PTPRJ: variants seen among roughly 807,000 people sequenced by gnomAD.
PTPRJ encodes the protein protein tyrosine phosphatase receptor type J, also known as receptor-type tyrosine-protein phosphatase eta.
Under a neutral mutation model 141.3 loss-of-function variants are expected in PTPRJ, and 129 were observed. That is an observed-to-expected ratio of 0.91 (90% CI 0.79 to 1.06). The LOEUF is 1.06. PTPRJ is among the 50% of genes least tolerant of loss of function. PTPRJ has a pLI of 0.00. For synonymous variants in PTPRJ, 610 were observed against 640.5 expected (o/e 0.95, Z 0.72); for missense variants, 1,601 against 1,679.7 (o/e 0.95, Z 0.82).
At position 48,142,928 on chromosome 11, in the gene PTPRJ, C is replaced by T. The variant is rs1238083037; in HGVS notation, c.2453C>T (p.Pro818Leu). The change falls in exon 12 of 25, where the codon CCT becomes CTT. Residue 818 changes from proline to leucine, a missense_variant. By Grantham distance (98) the Pro-to-Leu change is moderately conservative. Coordinates refer to ENST00000418331, the MANE Select transcript of PTPRJ (RefSeq NM_002843.4). Reference sequence around the variant, plus strand: ...TTTTGTTTTGTTTTAGATCCCCCTCCTCCAGATGGATCCCCTAATATTACA... The same window carrying T: ...TTTTGTTTTGTTTTAGATCCCCCTCTTCCAGATGGATCCCCTAATATTACA... ...TCTTGITDPP[P>L]PDGSPNITSV... 2 of 1,613,692 alleles carry T rather than the reference C, an allele frequency of 1.2e-6. No individual in the cohort carries two copies. Among genetic ancestry groups the T allele is most frequent in the Non-Finnish European group, 1.7e-6 (2 of 1,179,812 alleles).
At chr11:48,112,159 T>A (rs1343862960) in intron 2 of PTPRJ, among the ~76,000 whole-genome samples, 2 of 152,172 alleles carry the variant, frequency 1.3e-5, no homozygotes, top group African/African-American at 4.8e-5. Flanking sequence ...AAGGTTGTGC[T>A]CCACCCTTTA....
chr11:48,149,916 T>A, intron 16 of PTPRJ, 74 bp from the exon 17 acceptor site: 1 of 1,187,452 alleles, frequency 8.4e-7, no homozygotes, highest in South Asian at 1.4e-5. Flanking sequence ...TTGGGAAGAT[T>A]GTTTACTGTC....
At chr11:48,124,547 C>T (rs556213053) in intron 5 of PTPRJ, among the ~76,000 whole-genome samples, 2 of 152,340 alleles carry the variant, frequency 1.3e-5, no homozygotes, top group South Asian at 2.1e-4. Flanking sequence ...TCCTGTTTCA[C>T]ACCCTGCAGC....
chr11:47,981,036 G>A (rs1273078049), intron 1 of PTPRJ, 28 bp downstream of exon 1: 6 of 1,212,288 alleles, frequency 4.9e-6, no homozygotes, highest in Non-Finnish European at 6.2e-6. Flanking sequence ...TCGGGCGGGG[G>A]GCAGGAGGCT....
At chr11:48,040,432 C>A (rs187091901) in intron 1 of PTPRJ, among the ~76,000 whole-genome samples, 1 of 152,288 alleles carries the variant, frequency 6.6e-6, no homozygotes, top group East Asian at 1.9e-4. Context: ...TTTTTGCAGC[C>A]TCCACAAATT....
rs1228035 is a variant in PTPRJ, at chr11:48,007,261, C to T, written c.96+26253C>T. Among the ~76,000 whole-genome samples, 667 of 137,964 alleles carry T rather than the reference C, an allele frequency of 4.8e-3. 9 individuals are homozygous for T. Among genetic ancestry groups the T allele is most frequent in the African/African-American group, 0.021 (650 of 30,636 alleles). 90.5% of individuals were successfully genotyped at this position (137,964 alleles called of 152,430 possible). On this transcript the variant is annotated intron_variant, in intron 1 of 24. Coordinates refer to ENST00000418331, the MANE Select transcript of PTPRJ (RefSeq NM_002843.4). The stretch of plus-strand genomic sequence containing the variant: ...GACTACAGGTGCCTGCCACCACGCC[C>T]GGCTAATTTTTTGTATTTTTTTTTT...
intron 4 of PTPRJ, among the ~76,000 whole-genome samples, chr11:48,122,074 T>A (rs1229378512): frequency 2.0e-5 from 3 of 151,998 alleles, no homozygotes; most frequent in Non-Finnish European, 4.4e-5. Context: ...AAACAAAACC[T>A]TGCCCAGGAG....
At chr11:48,025,839 G>GGCTGC (rs1853793056) in intron 1 of PTPRJ, among the ~76,000 whole-genome samples, 2 of 152,176 alleles carry the variant, frequency 1.3e-5, no homozygotes, top group African/African-American at 4.8e-5. Context: ...AATCCCTCCA[G>GGCTGC]ACTGCCCAGG....
chr11:48,162,680 G>A (rs996790573), intron 22 of PTPRJ, among the ~76,000 whole-genome samples: 3 of 152,210 alleles, frequency 2.0e-5, no homozygotes, highest in Admixed American at 6.5e-5. Flanking sequence ...ACATGGGTAC[G>A]GATGTAGGTC....
chr11:48,160,650 C>G (rs540176599), intron 22 of PTPRJ, among the ~76,000 whole-genome samples: 1 of 152,284 alleles, frequency 6.6e-6, no homozygotes, highest in Non-Finnish European at 1.5e-5. Context: ...GCATAACTCT[C>G]TGCTGTTTAT....
chr11:48,120,991 TTA>T lies in PTPRJ; in HGVS notation c.353-11_353-10del. Reference sequence around the variant, plus strand: ...AAGTGCAATAATTTTTTTTTTTTTTTTAACAATATAGGGCCCAGTCCTGTGTT... The same window carrying T: ...AAGTGCAATAATTTTTTTTTTTTTTTACAATATAGGGCCCAGTCCTGTGTT... On this transcript the variant is annotated splice_polypyrimidine_tract_variant and intron_variant, in intron 3 of 24. Transcript: ENST00000418331. 3 of 1,514,374 alleles carry T rather than the reference TTA, an allele frequency of 2.0e-6. No individual in the cohort carries two copies. Among genetic ancestry groups the T allele is most frequent in the Non-Finnish European group, 2.7e-6 (3 of 1,130,730 alleles). 93.8% of individuals were successfully genotyped at this position (1,514,374 alleles called of 1,614,324 possible).
chr11:47,985,304 T>C (rs911039888), intron 1 of PTPRJ, among the ~76,000 whole-genome samples: 5 of 151,944 alleles, frequency 3.3e-5, no homozygotes. Flanking sequence ...TGTGCTACCA[T>C]TCCTGGCTAA....
intron 18 of PTPRJ, 98 bp from the exon 19 acceptor site, chr11:48,153,696 CTA>C: frequency 1.3e-6 from 1 of 740,976 alleles, no homozygotes; most frequent in Non-Finnish European, 2.3e-6. Flanking sequence ...AACAACTTGT[CTA>C]TGGGACTGTT....
rs577852725 is a variant in PTPRJ, at chr11:48,049,511, C to G, written c.97-60547C>G. Reference sequence around the variant, plus strand: ...TGGCCAATGCGGTGAAACCCCGTCTCTACTAAAACAAAACAAAACAAAACA... The same window carrying G: ...TGGCCAATGCGGTGAAACCCCGTCTGTACTAAAACAAAACAAAACAAAACA... On this transcript the variant is annotated intron_variant, in intron 1 of 24. Coordinates refer to ENST00000418331, the MANE Select transcript of PTPRJ (RefSeq NM_002843.4). Among the ~76,000 whole-genome samples the G allele has an allele frequency of 8.4e-3, 1,120 of 132,932 alleles. 17 individuals are homozygous for G. Among genetic ancestry groups the G allele is most frequent in the African/African-American group, 0.033 (1,018 of 30,692 alleles). The allele number at this position is 132,932 out of a possible 152,430, so 87.2% of individuals were successfully genotyped here. A position where few individuals can be genotyped will look rare whatever the true frequency, so the allele number is the denominator to read the frequency against.
intron 18 of PTPRJ, among the ~76,000 whole-genome samples, chr11:48,153,357 AC>A (rs1857527451): frequency 6.6e-6 from 1 of 151,794 alleles, no homozygotes. Flanking sequence ...ACATGGTGAA[AC>A]CCCGTCTCTA....
chr11:48,142,119 G>A (rs1167959282), intron 11 of PTPRJ, among the ~76,000 whole-genome samples: 1 of 152,076 alleles, frequency 6.6e-6, no homozygotes, highest in Non-Finnish European at 1.5e-5. Context: ...TCCCCATTGT[G>A]TCTTCTTGAC....
At chr11:48,141,237 A>C (rs1460768110) in intron 11 of PTPRJ, among the ~76,000 whole-genome samples, 1 of 152,162 alleles carries the variant, frequency 6.6e-6, no homozygotes, top group Non-Finnish European at 1.5e-5. Flanking sequence ...AGATGAATTT[A>C]GGTAGAGAGA....
rs71045545 is a variant in PTPRJ at position 48,117,540 on chromosome 11, C to CAA, written c.353-3429_353-3428dup. On this transcript the variant is annotated intron_variant, in intron 3 of 24. Coordinates refer to ENST00000418331, the MANE Select transcript of PTPRJ (RefSeq NM_002843.4). Reference sequence around the variant, plus strand: ...TGGGCAACAGAGCAAGATTCTGTCTCAAAAAAAAAAAAAAAAAAAAAAAAA... The same window carrying CAA: ...TGGGCAACAGAGCAAGATTCTGTCTCAAAAAAAAAAAAAAAAAAAAAAAAAAA... Among the ~76,000 whole-genome samples the CAA allele has an allele frequency of 4.6e-3, 91 of 19,694 alleles. 35 individuals are homozygous for CAA. The highest frequency in any genetic ancestry group is 8.5e-3 in the South Asian group (2 of 234). 12.9% of individuals were successfully genotyped at this position (19,694 alleles called of 152,430 possible). A position where few individuals can be genotyped will look rare whatever the true frequency, so the allele number is the denominator to read the frequency against.
chr11:47,990,683 A>AT (rs58395455), intron 1 of PTPRJ, among the ~76,000 whole-genome samples: 4,597 of 127,742 alleles, frequency 0.036, 273 homozygotes, highest in African/African-American at 0.12. Context: ...AAGTGTTGGG[A>AT]TTTTTTTTTT....
Sources: allele counts gnomAD v4.1 joint callset (sites outside exome capture counted in the v4.1 genomes callset), GRCh38; gene constraint gnomAD v4.1.1; transcripts MANE v1.5; gene names NCBI Gene and HGNC (gene_info 2026-07-23, HGNC 2026-07-21).